PLEC: variants seen among roughly 807,000 people sequenced by gnomAD.
PLEC encodes hemidesmosomal protein 1.
In PLEC, 216 loss-of-function variants were observed where a neutral mutation model predicts 392.8. The ratio of observed to expected loss-of-function variants is 0.55; its 90% CI spans 0.49 to 0.62. The LOEUF (loss-of-function observed/expected upper bound fraction) is 0.62. Among genes scored for constraint, PLEC ranks in the 20% least tolerant of loss-of-function variants. The pLI is 0.00. For synonymous variants in PLEC, 3,621 were observed against 2,980.6 expected, an observed-to-expected ratio of 1.21 and a Z score of -7.00; for missense variants, 6,863 against 6,563.4, an observed-to-expected ratio of 1.05 and a Z score of -1.58.
Position 143,927,520 on chromosome 8 carries a change from C to T in PLEC, c.3646G>A (p.Ala1216Thr), listed in dbSNP as rs1274866582. Residue 1216 changes from alanine to threonine, a missense_variant, in exon 27 of 32, where the codon GCA (alanine) becomes ACA (threonine). Physicochemically the swap from Ala to Thr is moderately conservative, Grantham distance 58. Coordinates refer to ENST00000345136, the MANE Select transcript of PLEC (RefSeq NM_201384.3). ...TGCAGCCAGGCGCCCAAGGGGTCTG[C>T]ACTCTCGCGGTAGTAACGCAGCTGG... ...GRQLRYYRES[A>T]DPLGAWLQDA... is the part of the protein sequence containing the mutation. 1.3e-6 allele frequency: 2 copies of T among 1,597,390 alleles called. No homozygotes were observed. The highest frequency in any genetic ancestry group is 1.7e-6 in the Non-Finnish European group (2 of 1,179,036).
In PLEC at chr8:143,973,044, G is replaced by A. The variant is rs1031529826; in HGVS notation, c.70+359C>T. Among the ~76,000 whole-genome samples, 16 of 152,254 alleles carry A rather than the reference G, an allele frequency of 1.1e-4. No homozygotes were observed. In the Middle Eastern group the frequency reaches 0.01, roughly 98 times the overall value. The stretch of plus-strand genomic sequence containing the variant: ...AGCTGCCCCTGTTCCATGCAGACGC[G>A]CCCCAGAGGTGGGGCAGGGGATGGC... On this transcript the variant is annotated intron_variant, in intron 1 of 31. Coordinates refer to the PLEC transcript ENST00000356346. This position sits in a 1 kb window ranked among gnomAD's most constrained non-coding sequence, Gnocchi z 5.6.
chr8:143,919,483 G>A lies in PLEC; in HGVS notation c.10338C>T (p.Ser3446=), dbSNP rs62642461. Residue 3446 remains serine, a synonymous_variant, in exon 32 of 32, where the codon TCC becomes TCT. Transcript: ENST00000345136. ...YRDPYSGSTI[S]LFQAMQKGLV... ...GGCCCTTCTGCATGGCCTGGAAGAGGGAGATGGTGCTGCCCGAGTAGGGGT... is the reference window on the plus strand; with the variant it reads ...GGCCCTTCTGCATGGCCTGGAAGAGAGAGATGGTGCTGCCCGAGTAGGGGT... The A allele has an allele frequency of 6.2e-4, 1,000 of 1,613,210 alleles. 4 individuals carry two copies. In the African/African-American group the frequency reaches 0.012, roughly 20 times the overall value.
intron 2 of PLEC, 156 bp downstream of exon 2, chr8:143,938,475 G>A: frequency 1.3e-6 from 2 of 1,545,020 alleles, no homozygotes; most frequent in Non-Finnish European, 8.7e-7. Flanking sequence ...GCAGGAGCAG[G>A]CGTAGGGAAG....
At chr8:143,933,465 T>A in intron 12 of PLEC, 114 bp from the exon 13 acceptor site, 1 of 1,219,694 alleles carries the variant, frequency 8.2e-7, no homozygotes, top group Non-Finnish European at 1.2e-6. Flanking sequence ...GGCCACTGCC[T>A]CCATCCCTGT....
rs376735010 is a variant in PLEC at position 143,937,287 on chromosome 8, C to T, written c.265-45G>A. The stretch of plus-strand genomic sequence containing the variant: ...GCACCCACAGTGCAGCTGCAGCTCC[C>T]GGGCCCCACCCTCAGCATGCCCCAA... On this transcript the variant is annotated intron_variant, in intron 3 of 31. Transcript: ENST00000345136. The T allele has an allele frequency of 9.9e-5, 146 of 1,479,176 alleles. No individual in the cohort carries two copies. In the South Asian group the frequency reaches 1.3e-3, roughly 13 times the overall value. 91.6% of individuals were successfully genotyped at this position (1,479,176 alleles called of 1,614,324 possible). A position where few individuals can be genotyped will look rare whatever the true frequency, so the allele number is the denominator to read the frequency against.
At chr8:143,937,128 G>A (rs554948241) in intron 4 of PLEC, 37 bp downstream of exon 4, 1 of 1,607,978 alleles carries the variant, frequency 6.2e-7, no homozygotes, top group East Asian at 2.2e-5. Flanking sequence ...TTGGTGAGGG[G>A]TCTGGGTGGG....
chr8:143,964,112 T>C (rs549545963), intron 1 of PLEC, among the ~76,000 whole-genome samples: 16 of 152,250 alleles, frequency 1.1e-4, no homozygotes, highest in Admixed American at 6.5e-4. Flanking sequence ...GCTAAGCGGA[T>C]GGAATTTTAG....
chr8:143,923,497 T>C lies in PLEC; in HGVS notation c.6432A>G (p.Gln2144=). The C allele has an allele frequency of 6.3e-7, 1 of 1,595,540 alleles. No individual in the cohort carries two copies. The highest frequency in any genetic ancestry group is 1.1e-5 in the South Asian group (1 of 90,400). The change falls in exon 31 of 32, where the codon CAA becomes CAG. Residue 2144 remains glutamine, a synonymous_variant. Coordinates refer to ENST00000345136, the MANE Select transcript of PLEC (RefSeq NM_201384.3). The part of the protein sequence containing the change: ...AAEKLRKEAE[Q]EAARRAQAEQ... ...CCGCCTGTGCCCGCCGCGCCGCCTC[T>C]TGCTCGGCCTCCTTGCGCAGCTTCT...
At chr8:143,937,563 A>G (rs1829390392) in intron 3 of PLEC, 2 of 486,444 alleles carry the variant, frequency 4.1e-6, no homozygotes, top group African/African-American at 1.9e-5. Flanking sequence ...TGGCAGCCAC[A>G]GCAGCCACCG....
rs782357098 is a variant in PLEC, at chr8:143,916,828, A to G, written c.12993T>C (p.Pro4331=). 1 of 1,612,576 alleles carries G rather than the reference A, an allele frequency of 6.2e-7. No individual in the cohort carries two copies. The highest frequency in any genetic ancestry group is 1.1e-5 in the South Asian group (1 of 91,052). The part of the protein sequence containing the change: ...IIDPSTGERF[P]VTDAVNKGLV... ...GGCCCTTGTTGACGGCGTCGGTGAC[A>G]GGGAAGCGCTCACCGGTGCTGGGGT... is the stretch of plus-strand genomic sequence containing the variant. Residue 4331 remains proline (P), a synonymous_variant, in exon 32 of 32, where the codon CCT becomes CCC. Transcript: ENST00000345136.
chr8:143,923,280 T>C lies in PLEC; in HGVS notation c.6649A>G (p.Thr2217Ala). 3 of 1,607,188 alleles carry C rather than the reference T, an allele frequency of 1.9e-6. No individual in the cohort carries two copies. The highest frequency in any genetic ancestry group is 2.5e-6 in the Non-Finnish European group (3 of 1,179,648). ...TGGCTGCGCTGGCGTGCGGCCTCCGTGGCCTCCGCCTTCAGCCGCTGCAGC... is the reference window on the plus strand; with the variant it reads ...TGGCTGCGCTGGCGTGCGGCCTCCGCGGCCTCCGCCTTCAGCCGCTGCAGC... ...EELQRLKAEA[T>A]EAARQRSQVE... is the part of the protein sequence containing the mutation. The change falls in exon 31 of 32, where the codon ACG (threonine) becomes GCG (alanine). Residue 2217 changes from threonine to alanine, a missense_variant. Transcript: ENST00000345136.
At position 143,916,169 on chromosome 8, in the gene PLEC, A is replaced by C; in HGVS notation, c.*8T>G. ...GCCGCATGCAGAGCGGGGTGGGCGCAGGCAGCCTCAGGCCACGGCAGACTC... is the reference window on the plus strand; with the variant it reads ...GCCGCATGCAGAGCGGGGTGGGCGCCGGCAGCCTCAGGCCACGGCAGACTC... On this transcript the variant is annotated 3_prime_UTR_variant, in exon 32 of 32. Coordinates refer to ENST00000345136, the MANE Select transcript of PLEC (RefSeq NM_201384.3). 1 of 1,531,116 alleles carries C rather than the reference A, an allele frequency of 6.5e-7. No individual in the cohort carries two copies. Among genetic ancestry groups the C allele is most frequent in the Admixed American group, 2.0e-5 (1 of 49,252 alleles). 94.8% of individuals were successfully genotyped at this position (1,531,116 alleles called of 1,614,324 possible).
rs1586742790 is a variant in PLEC at position 143,916,270 on chromosome 8, G to A, written c.13551C>T (p.Phe4517=). Residue 4517 remains phenylalanine, a synonymous_variant, in exon 32 of 32, where the codon TTC becomes TTT. Transcript: ENST00000345136. ...CCGAGGAGGAGTAGGAGGATGAAGA[G>A]AAGGTCATGGAGAAGCCGGAGCCGG... ...DATGSGFSMT[F]SSSSYSSSGY... The A allele has an allele frequency of 2.6e-6, 4 of 1,554,916 alleles. No homozygotes were observed. The highest frequency in any genetic ancestry group is 1.4e-5 in the African/African-American group (1 of 73,240).
intron 2 of PLEC, 77 bp from the exon 3 acceptor site, chr8:143,938,317 G>T: frequency 6.5e-7 from 1 of 1,535,410 alleles, no homozygotes; most frequent in Non-Finnish European, 8.8e-7. Flanking sequence ...TCTACAGAGT[G>T]GGTGCTGGTC....
chr8:143,950,275 CTCCT>C lies in PLEC; in HGVS notation c.428_431del (p.Lys143SerfsTer109). The C allele has an allele frequency of 6.4e-7, 1 of 1,570,270 alleles. No individual in the cohort carries two copies. The highest frequency in any genetic ancestry group is 1.2e-5 in the South Asian group (1 of 85,988). On this transcript the variant is annotated frameshift_variant, in exon 1 of 32. Coordinates refer to the PLEC transcript ENST00000322810. LOFTEE classifies it high-confidence loss of function. The stretch of plus-strand genomic sequence containing the variant: ...GGGTCTCAGGTGACACCTCCTCAAG[CTCCT>C]TCCGACGGTAGACCCGCTGCTCCTC...
upstream of PLEC, among the ~76,000 whole-genome samples, chr8:143,976,200 C>G (rs774835892): frequency 6.6e-6 from 1 of 152,206 alleles, no homozygotes; most frequent in Non-Finnish European, 1.5e-5. Flanking sequence ...GGCGCGTACA[C>G]CGGCACCGCG....
upstream of PLEC, chr8:143,973,634 G>T: frequency 1.4e-6 from 1 of 701,214 alleles, no homozygotes; most frequent in Non-Finnish European, 1.7e-6. The surrounding 1 kb of genome is among the most constrained non-coding windows in gnomAD (Gnocchi z 5.6). Context: ...CGGGGCCGCC[G>T]CGGCCGGGCA....
chr8:143,934,837 C>G lies in PLEC; in HGVS notation c.918G>C (p.Arg306Ser), dbSNP rs74693371. The G allele has an allele frequency of 3.1e-6, 5 of 1,611,668 alleles. No individual in the cohort carries two copies. The Admixed American group carries it at 5.0e-5, about 16-fold the overall frequency. The stretch of plus-strand genomic sequence containing the variant: ...CAATCTCCTCGAAGCTGGAGGGGAA[C>G]CTGCGTTCCTCAAAGGCGGCCGTGT... ...RHHTAAFEER[R>S]FPSSFEEIEI... Residue 306 changes from arginine to serine, a missense_variant, in exon 9 of 32, where the codon AGG becomes AGC. By Grantham distance (110) the Arg-to-Ser change is moderately radical. Transcript: ENST00000345136.
upstream of PLEC, among the ~76,000 whole-genome samples, chr8:143,952,852 G>A (rs1832330463): frequency 6.6e-6 from 1 of 152,106 alleles, no homozygotes; most frequent in Admixed American, 6.5e-5. Context: ...CAGAGATGGG[G>A]CGGGGCTCGG....
Sources: gnomAD v4.1 joint callset for allele counts (sites outside exome capture counted in the v4.1 genomes callset) on GRCh38, gnomAD v4.1.1 for gene constraint, Gnocchi (gnomAD v3.1) non-coding constraint, MANE v1.5 for transcripts, NCBI Gene and HGNC (gene_info 2026-07-23, HGNC 2026-07-21) for gene names.